The following PLGRKT variants were observed in gnomAD, a reference collection of about 807,000 sequenced individuals.
PLGRKT encodes plasminogen receptor with a C-terminal lysine.
A neutral mutation model predicts 18.5 loss-of-function variants in PLGRKT; 22 were observed. That is an observed-to-expected ratio of 1.19 (90% CI 0.85 to 1.70). PLGRKT has a LOEUF of 1.70. PLGRKT is among the 40% of genes most tolerant of loss of function. The pLI is 0.00. For synonymous variants in PLGRKT, 72 were observed against 52.8 expected (o/e 1.36, Z -1.58); for missense variants, 235 against 174.4 (o/e 1.35, Z -1.96).
At chr9:5,435,764 A>G (rs2131186301) in intron 2 of PLGRKT, among the ~76,000 whole-genome samples, 1 of 152,352 alleles carries the variant, frequency 6.6e-6, no homozygotes, top group Non-Finnish European at 1.5e-5. Context: ...AATGTTGCTG[A>G]TACCTTTTCT....
intron 3 of PLGRKT, among the ~76,000 whole-genome samples, chr9:5,413,241 T>G (rs1225301561): frequency 1.3e-5 from 2 of 152,142 alleles, no homozygotes; most frequent in Non-Finnish European, 2.9e-5. Context: ...AATATAAAAA[T>G]ATGAAAGAAC....
intron 3 of PLGRKT, among the ~76,000 whole-genome samples, chr9:5,384,808 C>G (rs1361886902): frequency 6.6e-6 from 1 of 152,046 alleles, no homozygotes; most frequent in Non-Finnish European, 1.5e-5. Flanking sequence ...TGCACAAGAA[C>G]CCAGCATAGC....
intron 2 of PLGRKT, among the ~76,000 whole-genome samples, chr9:5,434,419 G>T (rs1586751460): frequency 1.4e-5 from 2 of 146,470 alleles, no homozygotes; most frequent in Non-Finnish European, 3.0e-5. Flanking sequence ...ACCCCGTCTG[G>T]GAAGTGAGGA....
At chr9:5,374,064 C>G (rs1817580333) in intron 3 of PLGRKT, among the ~76,000 whole-genome samples, 2 of 152,230 alleles carry the variant, frequency 1.3e-5, no homozygotes, top group African/African-American at 4.8e-5. Flanking sequence ...GCTCTAACCA[C>G]TACTTCTTGC....
At position 5,372,783 on chromosome 9, in the gene PLGRKT, G is replaced by T. The variant is rs915863339; in HGVS notation, c.82-10895C>A. Among the ~76,000 whole-genome samples the T allele has an allele frequency of 2.0e-5, 3 of 152,186 alleles. No individual in the cohort carries two copies. In the East Asian group the frequency reaches 5.8e-4, roughly 29 times the overall value. Reference sequence around the variant, plus strand: ...CCCAGGTGCGAGGGAGTCTGGAAATGTTCTCTGTGGCTTTCTAGCCTCTGT... The same window carrying T: ...CCCAGGTGCGAGGGAGTCTGGAAATTTTCTCTGTGGCTTTCTAGCCTCTGT... On this transcript the variant is annotated intron_variant, in intron 3 of 5. Transcript: ENST00000223864.
intron 3 of PLGRKT, among the ~76,000 whole-genome samples, chr9:5,362,427 C>A (rs1817287862): frequency 6.6e-6 from 1 of 152,174 alleles, no homozygotes; most frequent in African/African-American, 2.4e-5. Context: ...CCACTTTGTT[C>A]AGTGCCTTTC....
At chr9:5,386,742 G>A (rs538707700) in intron 3 of PLGRKT, among the ~76,000 whole-genome samples, 3 of 151,918 alleles carry the variant, frequency 2.0e-5, no homozygotes, top group African/African-American at 7.3e-5. Flanking sequence ...GCTACCTGCT[G>A]TTAGTCATCC....
chr9:5,381,871 C>T, intron 3 of PLGRKT: 1 of 984,414 alleles, frequency 1.0e-6, no homozygotes, highest in Non-Finnish European at 1.2e-6. Flanking sequence ...ACCTTCCTCA[C>T]AGATCCTTAA....
intron 3 of PLGRKT, among the ~76,000 whole-genome samples, chr9:5,406,113 A>G (rs115959360): frequency 0.06 from 9,153 of 152,216 alleles, 366 homozygotes; most frequent in South Asian, 0.16. Context: ...GAAACAACAG[A>G]TGCTGGCAGT....
chr9:5,375,504 A>G (rs1002072935), intron 3 of PLGRKT, among the ~76,000 whole-genome samples: 6 of 152,234 alleles, frequency 3.9e-5, no homozygotes, highest in African/African-American at 1.4e-4. Flanking sequence ...AAATGAAATA[A>G]TAAATACATG....
chr9:5,401,742 T>C (rs1046145348), intron 3 of PLGRKT, among the ~76,000 whole-genome samples: 4 of 151,992 alleles, frequency 2.6e-5, no homozygotes, highest in Non-Finnish European at 5.9e-5. Context: ...CAGGTGAAGA[T>C]AAGAGTTGTA....
chr9:5,427,657 TG>T (rs1818729045), intron 3 of PLGRKT, among the ~76,000 whole-genome samples: 2 of 152,244 alleles, frequency 1.3e-5, no homozygotes, highest in African/African-American at 2.4e-5. Flanking sequence ...AGGTATCCAC[TG>T]GGGATCTTGG....
chr9:5,417,778 T>A (rs147511853), intron 3 of PLGRKT, among the ~76,000 whole-genome samples: 4 of 151,958 alleles, frequency 2.6e-5, no homozygotes, highest in African/African-American at 2.4e-5. Context: ...ACACAACACA[T>A]TGGAGACAGT....
chr9:5,429,486 G>C (rs1482708261), intron 3 of PLGRKT, among the ~76,000 whole-genome samples: 1 of 152,190 alleles, frequency 6.6e-6, no homozygotes, highest in Non-Finnish European at 1.5e-5. Context: ...TGTCTGCAAG[G>C]TTTGTTCCTT....
At chr9:5,359,540 TGA>T (rs1345845546) in intron 5 of PLGRKT, among the ~76,000 whole-genome samples, 9 of 152,210 alleles carry the variant, frequency 5.9e-5, no homozygotes, top group African/African-American at 2.2e-4. Flanking sequence ...GTTTTCCACG[TGA>T]GAGAGCCTTT....
At chr9:5,386,105 T>C (rs1327728087) in intron 3 of PLGRKT, among the ~76,000 whole-genome samples, 2 of 151,922 alleles carry the variant, frequency 1.3e-5, no homozygotes, top group African/African-American at 4.9e-5. Context: ...GCGAATGCAC[T>C]GGATGTTACC....
intron 3 of PLGRKT, among the ~76,000 whole-genome samples, chr9:5,420,431 T>A (rs1469461271): frequency 6.6e-6 from 1 of 152,066 alleles, no homozygotes; most frequent in Non-Finnish European, 1.5e-5. Flanking sequence ...GTGAAAAAAA[T>A]TAACTTCAGA....
chr9:5,407,892 C>G (rs1043077737), intron 3 of PLGRKT, among the ~76,000 whole-genome samples: 2 of 152,042 alleles, frequency 1.3e-5, no homozygotes, highest in African/African-American at 2.4e-5. Context: ...GTGTGTGTGT[C>G]TGTGTGTGTA....
intron 3 of PLGRKT, among the ~76,000 whole-genome samples, chr9:5,364,920 C>T (rs1817351163): frequency 6.6e-6 from 1 of 152,108 alleles, no homozygotes; most frequent in Admixed American, 6.6e-5. Context: ...ATGCTTAGTG[C>T]TTGATACAGA....
Sources: allele counts gnomAD v4.1 joint callset (sites outside exome capture counted in the v4.1 genomes callset), GRCh38; gene constraint gnomAD v4.1.1; transcripts MANE v1.5; gene names NCBI Gene and HGNC (gene_info 2026-07-23, HGNC 2026-07-21).